The following CACNA2D1 variants were observed in gnomAD, a reference collection of about 807,000 sequenced individuals.
CACNA2D1 encodes the protein voltage-dependent calcium channel subunit alpha-2/delta-1.
In CACNA2D1, 53 loss-of-function variants were observed where a neutral mutation model predicts 171.5. The observed-to-expected ratio is 0.31, with a 90% CI of 0.25 to 0.39. The LOEUF is 0.39. Among genes scored for constraint, CACNA2D1 ranks in the 10% least tolerant of loss-of-function variants. The probability of loss-of-function intolerance (pLI) is 1.00; values close to 1 mark genes in which losing one functional copy is unlikely to be tolerated. For synonymous variants in CACNA2D1, 442 were observed against 443.1 expected, an observed-to-expected ratio of 1.00 and a Z score of 0.03; for missense variants, 903 against 1,299.8, an observed-to-expected ratio of 0.69 and a Z score of 4.69.
intron 4 of CACNA2D1, among the ~76,000 whole-genome samples, chr7:82,165,629 G>A (rs1427050507): frequency 4.0e-5 from 6 of 151,894 alleles, no homozygotes; most frequent in Non-Finnish European, 7.4e-5. Flanking sequence ...ACACAAATAC[G>A]CCTGACTCCT....
intron 6 of CACNA2D1, among the ~76,000 whole-genome samples, chr7:82,106,223 A>AT (rs760605248): frequency 8.5e-5 from 13 of 152,216 alleles, no homozygotes; most frequent in Non-Finnish European, 1.8e-4. Context: ...ATCGAGTAAG[A>AT]TTTTATCCAC....
chr7:82,037,180 T>A (rs1803380446), intron 11 of CACNA2D1, among the ~76,000 whole-genome samples: 1 of 152,184 alleles, frequency 6.6e-6, no homozygotes, highest in Admixed American at 6.5e-5. Context: ...GTCCACAGTA[T>A]GAGACACACA....
At position 81,971,848 on chromosome 7, in the gene CACNA2D1, A is replaced by G; in HGVS notation, c.2070T>C (p.Ile690=). 2 of 1,605,646 alleles carry G rather than the reference A, an allele frequency of 1.2e-6. No homozygotes were observed. Among genetic ancestry groups the G allele is most frequent in the Non-Finnish European group, 1.7e-6 (2 of 1,173,058 alleles). Residue 690 remains isoleucine, a synonymous_variant, in exon 26 of 39, where the codon ATT becomes ATC. Coordinates refer to ENST00000356860, the MANE Select transcript of CACNA2D1 (RefSeq NM_000722.4). ...PNNPSCNADL[I]NRVLLDAGFT... is the part of the protein sequence containing the mutation. ...AGCCTGCATCAAGCAAGACTCTATT[A>G]ATCAAATCCGCGTTACCTAACACAG...
chr7:82,397,691 T>C (rs1825887198), intron 1 of CACNA2D1, among the ~76,000 whole-genome samples: 1 of 152,224 alleles, frequency 6.6e-6, no homozygotes, highest in South Asian at 2.1e-4. Flanking sequence ...GCCAAATGTA[T>C]TGAGCATATA....
Position 82,416,001 on chromosome 7 carries a change from G to A in CACNA2D1, c.95+27364C>T, listed in dbSNP as rs149031346. On this transcript the variant is annotated intron_variant, in intron 1 of 38. Coordinates refer to ENST00000356860, the MANE Select transcript of CACNA2D1 (RefSeq NM_000722.4). Reference sequence around the variant, plus strand: ...AGGCCAAGACGGGTGGATTGCTTGAGGTCAAGAATTCAAGACCAGTCTGAC... The same window carrying A: ...AGGCCAAGACGGGTGGATTGCTTGAAGTCAAGAATTCAAGACCAGTCTGAC... Among the ~76,000 whole-genome samples the A allele has an allele frequency of 2.6e-5, 4 of 151,974 alleles. No individual in the cohort carries two copies. The East Asian group carries it at 7.8e-4, about 30-fold the overall frequency.
intron 3 of CACNA2D1, among the ~76,000 whole-genome samples, chr7:82,240,767 G>C (rs988129108): frequency 6.6e-6 from 1 of 152,060 alleles, no homozygotes; most frequent in African/African-American, 2.4e-5. Context: ...AAGAGATCGA[G>C]ACCATCCTGG....
intron 21 of CACNA2D1, among the ~76,000 whole-genome samples, chr7:81,985,216 T>TTTTTTTTTTTTTTTTTTTTTTTG: frequency 6.7e-6 from 1 of 149,160 alleles, no homozygotes; most frequent in African/African-American, 2.5e-5. Context: ...TTTTTTTTTT[T>TTTTTTTTTTTTTTTTTTTTTTTG]TGGAGACAAG....
chr7:82,054,959 C>T (rs551405192), intron 10 of CACNA2D1, among the ~76,000 whole-genome samples: 1 of 152,208 alleles, frequency 6.6e-6, no homozygotes, highest in East Asian at 1.9e-4. Context: ...CTTATGTCAG[C>T]CAACTATCAA....
intron 3 of CACNA2D1, among the ~76,000 whole-genome samples, chr7:82,188,535 G>T (rs1449273443): frequency 6.6e-6 from 1 of 152,124 alleles, no homozygotes; most frequent in East Asian, 1.9e-4. Context: ...AACCAGTGAA[G>T]AAAGTTAAGT....
In CACNA2D1 at chr7:81,955,974, ATATATATTTTT is replaced by A. The variant is rs1382805261; in HGVS notation, c.3159+3290_3159+3300del. Among the ~76,000 whole-genome samples, 181 of 71,306 alleles carry A rather than the reference ATATATATTTTT, an allele frequency of 2.5e-3. 2 individuals are homozygous for A. Among genetic ancestry groups the A allele is most frequent in the African/African-American group, 0.01 (173 of 17,240 alleles). 46.8% of individuals were successfully genotyped at this position (71,306 alleles called of 152,430 possible). A position where few individuals can be genotyped will look rare whatever the true frequency, so the allele number is the denominator to read the frequency against. Reference sequence around the variant, plus strand: ...AGTCACTGTTGCTATATATATATATATATATATTTTTTTTTTTTTTTTTTTTTTTTGGAAAT... The same window carrying A: ...AGTCACTGTTGCTATATATATATATATTTTTTTTTTTTTTTTTTTGGAAAT... On this transcript the variant is annotated intron_variant, in intron 38 of 38. Coordinates refer to ENST00000356860, the MANE Select transcript of CACNA2D1 (RefSeq NM_000722.4).
chr7:82,381,996 C>T (rs1201749342), intron 1 of CACNA2D1, among the ~76,000 whole-genome samples: 1 of 151,874 alleles, frequency 6.6e-6, no homozygotes, highest in African/African-American at 2.4e-5. Flanking sequence ...CCTAATAGAC[C>T]TATTTTACCC....
At chr7:82,150,660 C>G (rs1249969024) in intron 4 of CACNA2D1, among the ~76,000 whole-genome samples, 2 of 152,058 alleles carry the variant, frequency 1.3e-5, no homozygotes, top group Non-Finnish European at 2.9e-5. Flanking sequence ...CTGGCAATTT[C>G]CCCATTATGA....
intron 4 of CACNA2D1, among the ~76,000 whole-genome samples, chr7:82,141,630 C>T (rs993808530): frequency 4.6e-5 from 7 of 152,158 alleles, no homozygotes; most frequent in Non-Finnish European, 8.8e-5. Flanking sequence ...CCACAGGGAG[C>T]AAGTGTTCAC....
At chr7:82,335,273 C>T in intron 2 of CACNA2D1, 22 bp from the exon 3 acceptor site, 1 of 1,153,662 alleles carries the variant, frequency 8.7e-7, no homozygotes, top group African/African-American at 1.5e-5. Context: ...AAAAAAAAAA[C>T]TAGTAAGAAC....
chr7:82,311,182 T>A (rs925595538), intron 3 of CACNA2D1, among the ~76,000 whole-genome samples: 2 of 152,124 alleles, frequency 1.3e-5, no homozygotes, highest in African/African-American at 4.8e-5. Context: ...ATTTTAAGTC[T>A]TGTTGTCATA....
rs186872829 is a variant in CACNA2D1, at chr7:82,409,102, T to C, written c.95+34263A>G. 5.9e-5 allele frequency among the ~76,000 whole-genome samples: 9 copies of C among 152,276 alleles called. No individual in the cohort carries two copies. The East Asian group carries it at 1.7e-3, about 29-fold the overall frequency. On this transcript the variant is annotated intron_variant, in intron 1 of 38. Coordinates refer to ENST00000356860, the MANE Select transcript of CACNA2D1 (RefSeq NM_000722.4). ...ACAGCTTTGAAATATTAATTATTTC[T>C]TTGGCTATATCTATAAGTTCCCCAG...
chr7:82,326,058 G>T (rs1370491510), intron 3 of CACNA2D1, among the ~76,000 whole-genome samples: 1 of 152,142 alleles, frequency 6.6e-6, no homozygotes, highest in African/African-American at 2.4e-5. Context: ...GTCCAGGGTA[G>T]GTTCCCATCT....
In CACNA2D1 at chr7:81,949,036, G is replaced by A. The variant is rs1792267485; in HGVS notation, c.*1356C>T. The A allele has an allele frequency of 6.6e-6, 1 of 151,878 alleles. No individual in the cohort carries two copies. The allele number at this position is 151,878 out of a possible 1,614,324, so 9.4% of individuals were successfully genotyped here. A position where few individuals can be genotyped will look rare whatever the true frequency, so the allele number is the denominator to read the frequency against. ...ATTATTGTAAAACCCTTATCAACTTGCATGGAAATTTTGGCCAAACGATCA... is the reference window on the plus strand; with the variant it reads ...ATTATTGTAAAACCCTTATCAACTTACATGGAAATTTTGGCCAAACGATCA... On this transcript the variant is annotated 3_prime_UTR_variant, in exon 39 of 39. Coordinates refer to ENST00000356860, the MANE Select transcript of CACNA2D1 (RefSeq NM_000722.4).
chr7:82,331,857 A>C (rs1817337295), intron 3 of CACNA2D1, among the ~76,000 whole-genome samples: 2 of 152,202 alleles, frequency 1.3e-5, no homozygotes, highest in Admixed American at 6.5e-5. Flanking sequence ...ATATAAATCG[A>C]ATCATTTTCC....
Sources: gnomAD v4.1 joint callset for allele counts (sites outside exome capture counted in the v4.1 genomes callset) on GRCh38, gnomAD v4.1.1 for gene constraint, MANE v1.5 for transcripts, NCBI Gene and HGNC (gene_info 2026-07-23, HGNC 2026-07-21) for gene names.